Variants in WAPL observed in about 807,000 individuals in gnomAD.
WAPL encodes the protein wings apart-like protein homolog.
Under a neutral mutation model 121.0 loss-of-function variants are expected in WAPL, and 5 were observed. That is an observed-to-expected ratio of 0.04 (90% CI 0.02 to 0.09). The LOEUF is 0.09. Ranked by LOEUF, WAPL falls within the 10% of genes least tolerant of loss-of-function variation. The pLI, the probability that WAPL is intolerant of heterozygous loss-of-function variation, is 1.00. For missense variants in WAPL, 999 were observed against 1,410.8 expected (o/e 0.71, Z 4.68); for synonymous variants, 480 against 481.5 (o/e 1.00, Z 0.04).
chr10:86,515,918 T>G (rs1366378012), intron 2 of WAPL, among the ~76,000 whole-genome samples: 1 of 125,814 alleles, frequency 7.9e-6, no homozygotes, highest in Non-Finnish European at 1.5e-5. Flanking sequence ...CAGGCTGGAG[T>G]GCAGTGGTGC....
chr10:86,440,456 T>G (rs1849436162), intron 17 of WAPL, among the ~76,000 whole-genome samples: 1 of 150,174 alleles, frequency 6.7e-6, no homozygotes, highest in Admixed American at 6.6e-5. Context: ...CCCGGCTAAT[T>G]TTTTTTTTGT....
chr10:86,510,016 G>A (rs931486602), intron 2 of WAPL, among the ~76,000 whole-genome samples: 6 of 149,302 alleles, frequency 4.0e-5, no homozygotes, highest in African/African-American at 7.5e-5. Context: ...CGCCCGCCTC[G>A]GCCTTCCAAA....
At position 86,459,033 on chromosome 10, in the gene WAPL, G is replaced by A. The variant is rs143256744; in HGVS notation, c.2613C>T (p.Tyr871=). 3.5e-5 allele frequency: 56 copies of A among 1,608,154 alleles called. No individual in the cohort carries two copies. The East Asian group carries it at 1.0e-3, about 30-fold the overall frequency. ...GTTGGGAATCTTTATATGCTATCAAGTAGCTTTGATTTTCGGGATTATGCA... is the reference window on the plus strand; with the variant it reads ...GTTGGGAATCTTTATATGCTATCAAATAGCTTTGATTTTCGGGATTATGCA... The part of the protein sequence containing the change: ...VTVHNPENQS[Y]LIAYKDSQLI... Residue 871 remains tyrosine (Y), a synonymous_variant, in exon 12 of 19, where the codon TAC becomes TAT. Coordinates refer to ENST00000298767, the MANE Select transcript of WAPL (RefSeq NM_015045.5).
At chr10:86,488,001 G>A (rs865897980) in intron 4 of WAPL, among the ~76,000 whole-genome samples, 3 of 152,184 alleles carry the variant, frequency 2.0e-5, no homozygotes, top group Non-Finnish European at 4.4e-5. Context: ...GCAGAACTAA[G>A]GTGAGGAAGA....
At chr10:86,512,049 CTCT>C (rs1842474089) in intron 2 of WAPL, among the ~76,000 whole-genome samples, 1 of 152,200 alleles carries the variant, frequency 6.6e-6, no homozygotes, top group Non-Finnish European at 1.5e-5. Context: ...AGGCAGGTAA[CTCT>C]TGCTGATACT....
intron 15 of WAPL, among the ~76,000 whole-genome samples, chr10:86,450,589 T>G (rs966373403): frequency 1.3e-5 from 2 of 152,126 alleles, no homozygotes; most frequent in African/African-American, 2.4e-5. Flanking sequence ...ATCAAAGCGG[T>G]AGGTGCCAAA....
chr10:86,439,967 C>G (rs545062056), intron 17 of WAPL, among the ~76,000 whole-genome samples: 61 of 152,356 alleles, frequency 4.0e-4, no homozygotes, highest in Non-Finnish European at 8.1e-4. Context: ...TTAGGTAAAC[C>G]AAACTTCCTT....
intron 17 of WAPL, among the ~76,000 whole-genome samples, chr10:86,441,860 AAAG>A (rs1849479527): frequency 1.3e-5 from 2 of 152,094 alleles, no homozygotes; most frequent in Non-Finnish European, 2.9e-5. Context: ...GAAAAATAAT[AAAG>A]ACAGAAATGA....
chr10:86,515,696 C>G (rs1037033130), intron 2 of WAPL, among the ~76,000 whole-genome samples: 14 of 151,658 alleles, frequency 9.2e-5, no homozygotes, highest in African/African-American at 3.4e-4. Flanking sequence ...GTGGGAGAAT[C>G]ACTTGAATCC....
At chr10:86,492,033 A>G (rs980809934) in intron 4 of WAPL, among the ~76,000 whole-genome samples, 3 of 152,090 alleles carry the variant, frequency 2.0e-5, no homozygotes, top group African/African-American at 7.2e-5. Flanking sequence ...CCCCCTCCTC[A>G]TCCCTGGTAT....
At chr10:86,517,232 A>G (rs1233901077) in intron 2 of WAPL, among the ~76,000 whole-genome samples, 2 of 152,200 alleles carry the variant, frequency 1.3e-5, no homozygotes, top group African/African-American at 4.8e-5. Context: ...TTCATTATCA[A>G]TAACCATCCA....
At chr10:86,484,670 A>T (rs1213069954) in intron 4 of WAPL, among the ~76,000 whole-genome samples, 1 of 152,192 alleles carries the variant, frequency 6.6e-6, no homozygotes, top group East Asian at 1.9e-4. Context: ...CAATCCTGCA[A>T]GCTCCATTCA....
intron 2 of WAPL, among the ~76,000 whole-genome samples, chr10:86,509,711 A>G (rs986448349): frequency 2.0e-5 from 3 of 151,862 alleles, no homozygotes; most frequent in African/African-American, 2.4e-5. Context: ...TCCTAAAGGC[A>G]CAAGTGCTGG....
In WAPL at chr10:86,437,408, G is replaced by T; in HGVS notation, c.*135C>A. On this transcript the variant is annotated 3_prime_UTR_variant, in exon 19 of 19. Transcript: ENST00000298767. ...GAATGCATGACGAAGAAATCAGGTGGCCTTAAAAATCCAAACACGAATGAT... is the reference window on the plus strand; with the variant it reads ...GAATGCATGACGAAGAAATCAGGTGTCCTTAAAAATCCAAACACGAATGAT... 1 of 786,330 alleles carries T rather than the reference G, an allele frequency of 1.3e-6. No individual in the cohort carries two copies. Among genetic ancestry groups the T allele is most frequent in the Non-Finnish European group, 1.9e-6 (1 of 515,580 alleles). 48.7% of individuals were successfully genotyped at this position (786,330 alleles called of 1,614,324 possible). A position where few individuals can be genotyped will look rare whatever the true frequency, so the allele number is the denominator to read the frequency against.
intron 2 of WAPL, among the ~76,000 whole-genome samples, chr10:86,502,797 C>CA (rs1564586000): frequency 6.6e-6 from 1 of 152,162 alleles, no homozygotes; most frequent in Non-Finnish European, 1.5e-5. Flanking sequence ...AATCAATAGT[C>CA]AAAAGAGACT....
chr10:86,472,911 A>C lies in WAPL; in HGVS notation c.1741-147T>G, dbSNP rs1415986384. ...AGGGAGGCCTCTCAAAGGTCTTTAG[A>C]AATACTTTGAATTCCATGCACTAAC... is the stretch of plus-strand genomic sequence containing the variant. On this transcript the variant is annotated intron_variant, in intron 5 of 18. Transcript: ENST00000298767. This position sits in a 1 kb window ranked among gnomAD's most constrained non-coding sequence, Gnocchi z 4.2. 1.4e-6 allele frequency: 1 copy of C among 731,404 alleles called. No individual in the cohort carries two copies. The highest frequency in any genetic ancestry group is 2.1e-6 in the Non-Finnish European group (1 of 477,050). 45.3% of individuals were successfully genotyped at this position (731,404 alleles called of 1,614,324 possible). A position where few individuals can be genotyped will look rare whatever the true frequency, so the allele number is the denominator to read the frequency against.
Position 86,468,813 on chromosome 10 carries a change from A to G in WAPL, c.2143-1307T>C, listed in dbSNP as rs181854679. 5.0e-4 allele frequency among the ~76,000 whole-genome samples: 76 copies of G among 152,048 alleles called. 2 individuals carry two copies. The highest frequency in any genetic ancestry group is 1.6e-3 in the African/African-American group (65 of 41,514). On this transcript the variant is annotated intron_variant, in intron 8 of 18. Transcript: ENST00000298767. Reference sequence around the variant, plus strand: ...CCCCATCTCTATTAAAAATACAAAAAAATTAGGCCGGGCGCAGTGGCTCAC... The same window carrying G: ...CCCCATCTCTATTAAAAATACAAAAGAATTAGGCCGGGCGCAGTGGCTCAC...
intron 13 of WAPL, 61 bp from the exon 14 acceptor site, chr10:86,453,396 G>A (rs1841047329): frequency 1.3e-6 from 2 of 1,508,280 alleles, no homozygotes; most frequent in Non-Finnish European, 1.8e-6. Context: ...CACTAATAAT[G>A]GAGATTTATT....
At chr10:86,466,201 T>C (rs147697062) in intron 9 of WAPL, among the ~76,000 whole-genome samples, 305 of 152,298 alleles carry the variant, frequency 2.0e-3, no homozygotes, top group African/African-American at 6.8e-3. Context: ...CCTTGTGGTG[T>C]CTTCAGGGTT....
Sources: gnomAD v4.1 joint callset for allele counts (sites outside exome capture counted in the v4.1 genomes callset) on GRCh38, gnomAD v4.1.1 for gene constraint, Gnocchi (gnomAD v3.1) non-coding constraint, MANE v1.5 for transcripts, NCBI Gene and HGNC (gene_info 2026-07-23, HGNC 2026-07-21) for gene names.